CAB39: variants seen among roughly 807,000 people sequenced by gnomAD.
CAB39 encodes calcium-binding protein 39.
CAB39 carries 8 observed loss-of-function variants against 40.0 expected under a neutral mutation model. That is an observed-to-expected ratio of 0.20 (90% CI 0.12 to 0.36). The LOEUF (loss-of-function observed/expected upper bound fraction) is 0.36, where lower values mean the gene tolerates loss of function less well. Among genes scored for constraint, CAB39 ranks in the 10% least tolerant of loss-of-function variants. The pLI is 1.00. For synonymous variants in CAB39, 156 were observed against 141.6 expected (o/e 1.10, Z -0.72); for missense variants, 270 against 401.1 (o/e 0.67, Z 2.79).
At chr2:230,788,692 A>G (rs1034887369) in intron 2 of CAB39, among the ~76,000 whole-genome samples, 3 of 152,090 alleles carry the variant, frequency 2.0e-5, no homozygotes, top group African/African-American at 7.2e-5. Context: ...TTAGAATGAC[A>G]ATTTGGTTGT....
At chr2:230,759,246 G>A (rs1695247727) in intron 1 of CAB39, among the ~76,000 whole-genome samples, 1 of 152,110 alleles carries the variant, frequency 6.6e-6, no homozygotes, top group Admixed American at 6.5e-5. Flanking sequence ...CCCTGTGACT[G>A]CCTGAATAAG....
intron 4 of CAB39, among the ~76,000 whole-genome samples, chr2:230,793,846 T>C (rs1469172527): frequency 6.6e-6 from 1 of 152,210 alleles, no homozygotes; most frequent in African/African-American, 2.4e-5. Context: ...ATCCATATAA[T>C]TTGGTAATTC....
At chr2:230,809,862 G>A (rs1696274122) in intron 5 of CAB39, among the ~76,000 whole-genome samples, 2 of 152,142 alleles carry the variant, frequency 1.3e-5, no homozygotes, top group Admixed American at 1.3e-4. Flanking sequence ...TCTCCACCGG[G>A]AGCGCTAAGT....
intron 4 of CAB39, among the ~76,000 whole-genome samples, chr2:230,794,427 G>A (rs968692776): frequency 1.3e-5 from 2 of 152,182 alleles, no homozygotes; most frequent in Admixed American, 6.5e-5. Context: ...CAGCTTTCAG[G>A]TGCCTTTGTG....
intron 1 of CAB39, chr2:230,714,043 G>A (rs900067524): frequency 6.6e-6 from 1 of 152,418 alleles, no homozygotes; most frequent in Admixed American, 6.5e-5. Context: ...TTTAGGAGAG[G>A]AGGATTGCAG....
At chr2:230,789,782 G>C (rs1345470926) in intron 2 of CAB39, among the ~76,000 whole-genome samples, 2 of 152,196 alleles carry the variant, frequency 1.3e-5, no homozygotes, top group African/African-American at 2.4e-5. Context: ...TGGGTTGCCA[G>C]GTCTGCCTCT....
chr2:230,818,890 G>A lies in CAB39; in HGVS notation c.*186G>A, dbSNP rs2124989634. 2 of 527,032 alleles carry A rather than the reference G, an allele frequency of 3.8e-6. No individual in the cohort carries two copies. The highest frequency in any genetic ancestry group is 3.4e-6 in the Non-Finnish European group (1 of 293,346). 32.6% of individuals were successfully genotyped at this position (527,032 alleles called of 1,614,324 possible). On this transcript the variant is annotated 3_prime_UTR_variant, in exon 9 of 9. Transcript: ENST00000258418. ...GTAGCTGCTGCTGCTTGCACACTAG[G>A]GCACATGTGGGCTTTCTCTTGATCT...
At chr2:230,739,400 T>C (rs1694838543) in intron 1 of CAB39, among the ~76,000 whole-genome samples, 1 of 152,232 alleles carries the variant, frequency 6.6e-6, no homozygotes, top group African/African-American at 2.4e-5. Flanking sequence ...AGATGGCAGA[T>C]CTGTATTGAT....
intron 2 of CAB39, among the ~76,000 whole-genome samples, chr2:230,783,119 G>A (rs1023645858): frequency 6.6e-6 from 1 of 152,120 alleles, no homozygotes; most frequent in Non-Finnish European, 1.5e-5. Context: ...GAGCCACTGC[G>A]CCCGGCCCAG....
chr2:230,734,107 A>T (rs761696194), intron 1 of CAB39, among the ~76,000 whole-genome samples: 20 of 152,358 alleles, frequency 1.3e-4, no homozygotes, highest in Admixed American at 3.9e-4. Flanking sequence ...CCCTGCCCTT[A>T]GAGGTGGCCC....
intron 6 of CAB39, 182 bp from the exon 7 acceptor site, chr2:230,813,867 A>G (rs994560938): frequency 1.4e-5 from 7 of 506,640 alleles, no homozygotes; most frequent in African/African-American, 2.0e-5. Context: ...TCTCAGAGCA[A>G]ACATGTCAGA....
intron 2 of CAB39, among the ~76,000 whole-genome samples, chr2:230,766,756 C>T (rs139103734): frequency 1.2e-4 from 18 of 152,286 alleles, no homozygotes; most frequent in African/African-American, 3.8e-4. Context: ...CTTGAACTCC[C>T]GGGCTTAAGC....
At chr2:230,793,360 C>T (rs1695923772) in intron 4 of CAB39, 29 bp downstream of exon 4, 1 of 1,099,920 alleles carries the variant, frequency 9.1e-7, no homozygotes, top group South Asian at 1.8e-5. Flanking sequence ...AATTTGTATT[C>T]TCAGTTGAAC....
chr2:230,720,973 A>G lies in CAB39; in HGVS notation c.-44+7743A>G, dbSNP rs1361013294. On this transcript the variant is annotated intron_variant, in intron 1 of 8. Coordinates refer to ENST00000258418, the MANE Select transcript of CAB39 (RefSeq NM_016289.4). ...GGTGAGTTATAAGTTTTTCCTATGT[A>G]TGTAAGTTTCGTGTCTCTAGATTGT... Among the ~76,000 whole-genome samples, 5 of 152,152 alleles carry G rather than the reference A, an allele frequency of 3.3e-5. No homozygotes were observed. In the East Asian group the frequency reaches 7.7e-4, roughly 23 times the overall value.
chr2:230,804,637 C>T (rs574598786), intron 5 of CAB39, among the ~76,000 whole-genome samples: 4 of 152,248 alleles, frequency 2.6e-5, no homozygotes, highest in East Asian at 1.9e-4. Context: ...CCAACAGACA[C>T]ATGAAAAAAT....
At chr2:230,730,651 C>A (rs1212078974) in intron 1 of CAB39, among the ~76,000 whole-genome samples, 3 of 152,084 alleles carry the variant, frequency 2.0e-5, no homozygotes, top group Non-Finnish European at 4.4e-5. Context: ...ATCATGTTGG[C>A]CAGGCAGGTC....
intron 1 of CAB39, among the ~76,000 whole-genome samples, chr2:230,745,319 T>C (rs1394615588): frequency 2.0e-5 from 3 of 152,214 alleles, no homozygotes; most frequent in Admixed American, 6.5e-5. Flanking sequence ...GTTAAAAAAA[T>C]TTGAAGTCTT....
At position 230,791,006 on chromosome 2, in the gene CAB39, G is replaced by A. The variant is rs759380164; in HGVS notation, c.249G>A (p.Leu83=). Residue 83 remains leucine (L), a synonymous_variant, in exon 3 of 9, where the codon CTG becomes CTA. Transcript: ENST00000258418. ...ELYNSGLLST[L]VADLQLIDFE... The stretch of plus-strand genomic sequence containing the variant: ...ATAATAGTGGGCTCCTTAGCACCCT[G>A]GTAGCTGATTTACAGCTCATTGACT... 1.6e-5 allele frequency: 26 copies of A among 1,599,840 alleles called. No individual in the cohort carries two copies. Among genetic ancestry groups the A allele is most frequent in the Middle Eastern group, 1.7e-4 (1 of 5,994 alleles).
At chr2:230,776,481 C>T (rs914483202) in intron 2 of CAB39, among the ~76,000 whole-genome samples, 3 of 152,216 alleles carry the variant, frequency 2.0e-5, no homozygotes, top group African/African-American at 7.2e-5. Flanking sequence ...AATTGCATCA[C>T]ACTTATCTGT....
Sources: allele counts gnomAD v4.1 joint callset (sites outside exome capture counted in the v4.1 genomes callset), GRCh38; gene constraint gnomAD v4.1.1; transcripts MANE v1.5; gene names NCBI Gene and HGNC (gene_info 2026-07-23, HGNC 2026-07-21).